Variants in BRINP3 observed in about 807,000 individuals in gnomAD.
BRINP3 encodes the protein BMP/retinoic acid-inducible neural-specific protein 3.
In BRINP3, 19 loss-of-function variants were observed where a neutral mutation model predicts 71.0. That is an observed-to-expected ratio of 0.27 (90% CI 0.19 to 0.39). The LOEUF is 0.39. Ranked by LOEUF, BRINP3 falls within the 10% of genes least tolerant of loss-of-function variation. The pLI, the probability that BRINP3 is intolerant of heterozygous loss-of-function variation, is 1.00. For synonymous variants in BRINP3, 380 were observed against 337.7 expected (o/e 1.13, Z -1.37); for missense variants, 959 against 940.8 (o/e 1.02, Z -0.25).
chr1:190,195,481 AC>A (rs753635162), intron 6 of BRINP3, among the ~76,000 whole-genome samples: 4 of 152,018 alleles, frequency 2.6e-5, no homozygotes, highest in Admixed American at 6.6e-5. Flanking sequence ...TTTATAGCAA[AC>A]TTTTTATATA....
chr1:190,450,895 C>T (rs114556298), intron 2 of BRINP3, among the ~76,000 whole-genome samples: 2,950 of 152,112 alleles, frequency 0.019, 99 homozygotes, highest in African/African-American at 0.066. Context: ...ATGAAGTGAC[C>T]ATATAGTGGT....
At chr1:190,297,500 T>A (rs2102985617) in intron 2 of BRINP3, among the ~76,000 whole-genome samples, 1 of 152,304 alleles carries the variant, frequency 6.6e-6, no homozygotes, top group South Asian at 2.1e-4. Flanking sequence ...TTAAGTGTAA[T>A]GTCAGCTGTG....
chr1:190,189,789 T>C (rs1295990121), intron 6 of BRINP3, among the ~76,000 whole-genome samples: 1 of 152,188 alleles, frequency 6.6e-6, no homozygotes, highest in African/African-American at 2.4e-5. Context: ...GTCCATTTCA[T>C]GATGTCATGT....
chr1:190,377,611 A>T (rs1670264373), intron 2 of BRINP3, among the ~76,000 whole-genome samples: 1 of 149,096 alleles, frequency 6.7e-6, no homozygotes, highest in South Asian at 2.1e-4. Context: ...ATATATATAA[A>T]ACCTGAAAGA....
intron 2 of BRINP3, among the ~76,000 whole-genome samples, chr1:190,453,203 ATTTTT>A (rs1190785225): frequency 1.1e-3 from 47 of 40,900 alleles, no homozygotes; most frequent in African/African-American, 3.4e-3. Context: ...AAACTTTAGT[ATTTTT>A]TTTTTTTTTT....
intron 2 of BRINP3, among the ~76,000 whole-genome samples, chr1:190,424,642 A>G (rs1436657008): frequency 6.6e-6 from 1 of 151,752 alleles, no homozygotes; most frequent in Non-Finnish European, 1.5e-5. Flanking sequence ...TGCTGTACAT[A>G]TAAGAAAGAA....
At chr1:190,182,027 C>T (rs1571928858) in intron 6 of BRINP3, among the ~76,000 whole-genome samples, 1 of 151,200 alleles carries the variant, frequency 6.6e-6, no homozygotes, top group South Asian at 2.1e-4. Flanking sequence ...ATGTCACTTC[C>T]TTCTCATCCT....
At chr1:190,285,985 TC>T (rs1255560304) in intron 2 of BRINP3, among the ~76,000 whole-genome samples, 4 of 152,094 alleles carry the variant, frequency 2.6e-5, no homozygotes. Flanking sequence ...GTAACTATCT[TC>T]CCATCATAAC....
chr1:190,229,044 G>A (rs1240730004), intron 5 of BRINP3, among the ~76,000 whole-genome samples: 1 of 151,962 alleles, frequency 6.6e-6, no homozygotes. Context: ...GGAAATCTAG[G>A]TAAAGTATTA....
chr1:190,193,350 G>GA, intron 6 of BRINP3, among the ~76,000 whole-genome samples: 1 of 152,196 alleles, frequency 6.6e-6, no homozygotes, highest in East Asian at 1.9e-4. Context: ...TCAGTTTTGT[G>GA]AAAGATAAAG....
intron 2 of BRINP3, among the ~76,000 whole-genome samples, chr1:190,389,491 T>G (rs1276611682): frequency 1.3e-5 from 2 of 151,836 alleles, no homozygotes; most frequent in Non-Finnish European, 2.9e-5. Context: ...TAAAATTTAG[T>G]CTCATTAACT....
intron 6 of BRINP3, among the ~76,000 whole-genome samples, chr1:190,164,363 AC>A (rs1419654352): frequency 6.6e-6 from 1 of 152,142 alleles, no homozygotes; most frequent in Non-Finnish European, 1.5e-5. Context: ...TTATAAATCA[AC>A]TAAAATAACT....
chr1:190,453,737 A>C (rs891619890), intron 2 of BRINP3, among the ~76,000 whole-genome samples: 8 of 152,200 alleles, frequency 5.3e-5, no homozygotes, highest in African/African-American at 1.9e-4. Context: ...GACTACAGAC[A>C]AACATGAAGC....
intron 2 of BRINP3, among the ~76,000 whole-genome samples, chr1:190,321,113 G>A (rs1285517594): frequency 2.6e-5 from 4 of 151,814 alleles, no homozygotes; most frequent in Non-Finnish European, 5.9e-5. Flanking sequence ...ATAGGGGCAG[G>A]GCCAGACTAG....
At position 190,281,623 on chromosome 1, in the gene BRINP3, G is replaced by T. The variant is rs779280815; in HGVS notation, c.364C>A (p.Gln122Lys). ...RLLGRRPTLQ[Q>K]ITENLIKKYG... ...TTCTTGATAAGGTTTTCTGTGATTT[G>T]CTGAAGGGTAGGTCGACGTCCCAAA... Residue 122 changes from glutamine (Q) to lysine (K), a missense_variant, in exon 3 of 8, where the codon CAA becomes AAA. Physicochemically the swap from Gln to Lys is moderately conservative, Grantham distance 53 (BLOSUM62 1). Coordinates refer to ENST00000367462, the MANE Select transcript of BRINP3 (RefSeq NM_199051.3). 1 of 1,612,906 alleles carries T rather than the reference G, an allele frequency of 6.2e-7. No homozygotes were observed. The highest frequency in any genetic ancestry group is 1.1e-5 in the South Asian group (1 of 91,054).
chr1:190,099,632 A>G (rs1651520027), intron 7 of BRINP3, among the ~76,000 whole-genome samples: 1 of 152,206 alleles, frequency 6.6e-6, no homozygotes, highest in Non-Finnish European at 1.5e-5. Context: ...GATGAATAGA[A>G]AGTAAAAGAA....
intron 2 of BRINP3, among the ~76,000 whole-genome samples, chr1:190,318,162 T>C (rs1176225398): frequency 1.3e-5 from 2 of 152,116 alleles, no homozygotes; most frequent in Admixed American, 1.3e-4. Flanking sequence ...CAAACTACCT[T>C]ACATTTCAGG....
At chr1:190,375,503 T>A (rs576754714) in intron 2 of BRINP3, among the ~76,000 whole-genome samples, 130 of 151,996 alleles carry the variant, frequency 8.6e-4, no homozygotes, top group Non-Finnish European at 1.6e-3. Flanking sequence ...ACAAACTGAA[T>A]AAAAGCAGTT....
At chr1:190,353,108 C>T (rs889762626) in intron 2 of BRINP3, among the ~76,000 whole-genome samples, 3 of 151,394 alleles carry the variant, frequency 2.0e-5, no homozygotes, top group African/African-American at 7.3e-5. Context: ...TGCAGGCTCT[C>T]ACCAGAGAAC....
Sources: allele counts gnomAD v4.1 joint callset (sites outside exome capture counted in the v4.1 genomes callset), GRCh38; gene constraint gnomAD v4.1.1; transcripts MANE v1.5; gene names NCBI Gene and HGNC (gene_info 2026-07-23, HGNC 2026-07-21).